Variants in RASGRP3 observed in about 807,000 individuals in gnomAD.
RASGRP3 encodes RAS guanyl releasing protein 3, also known as ras guanyl-releasing protein 3.
A neutral mutation model predicts 82.7 loss-of-function variants in RASGRP3; 54 were observed. That is an observed-to-expected ratio of 0.65 (90% CI 0.52 to 0.82). RASGRP3 has a LOEUF of 0.82. Among genes scored for constraint, RASGRP3 ranks in the 40% least tolerant of loss-of-function variants. RASGRP3 has a pLI of 0.00. For missense variants in RASGRP3, 861 were observed against 828.9 expected, an observed-to-expected ratio of 1.04 and a Z score of -0.48; for synonymous variants, 309 against 300.5, an observed-to-expected ratio of 1.03 and a Z score of -0.29.
Position 33,516,640 on chromosome 2 carries a change from T to G in RASGRP3, c.169T>G (p.Cys57Gly), listed in dbSNP as rs528323494. 18 of 1,531,030 alleles carry G rather than the reference T, an allele frequency of 1.2e-5. No individual in the cohort carries two copies. The East Asian group carries it at 3.9e-4, about 33-fold the overall frequency. The allele number at this position is 1,531,030 out of a possible 1,614,324, so 94.8% of individuals were successfully genotyped here. ...SSTELAEKLL[C>G]MYRNATGESC... ...CACTGAATTGGCAGAAAAACTTCTC[T>G]GCATATATCTTTTCAACTACTGTGT... Residue 57 changes from cysteine (C) to glycine (G), a missense_variant, in exon 4 of 18, where the codon TGC becomes GGC. Physicochemically the swap from Cys to Gly is radical, Grantham distance 159. Coordinates refer to ENST00000403687, the MANE Select transcript of RASGRP3 (RefSeq NM_001139488.2).
chr2:33,515,169 A>G lies in RASGRP3; in HGVS notation c.33A>G (p.Thr11=). 6.2e-7 allele frequency: 1 copy of G among 1,614,002 alleles called. No individual in the cohort carries two copies. Among genetic ancestry groups the G allele is most frequent in the South Asian group, 1.1e-5 (1 of 91,086 alleles). Residue 11 remains threonine (T), a synonymous_variant, in exon 3 of 18, where the codon ACA becomes ACG. Transcript: ENST00000403687. ...CAAGTGGCCTTGGGAAAGCAGCAAC[A>G]TTAGATGAACTGCTGTGCACTTGCA... is the stretch of plus-strand genomic sequence containing the variant. MGSSGLGKAA[T]LDELLCTCIE...
chr2:33,562,267 CT>C lies in RASGRP3; in HGVS notation c.2065-444del, dbSNP rs71409631. Among the ~76,000 whole-genome samples, 155 of 127,030 alleles carry C rather than the reference CT, an allele frequency of 1.2e-3. 2 individuals are homozygous for C. Among genetic ancestry groups the C allele is most frequent in the East Asian group, 0.011 (46 of 4,358 alleles). 83.3% of individuals were successfully genotyped at this position (127,030 alleles called of 152,430 possible). A position where few individuals can be genotyped will look rare whatever the true frequency, so the allele number is the denominator to read the frequency against. Reference sequence around the variant, plus strand: ...TGGGTGAACTACATGATCTCTCTCTCTTTTTTTTTTTTTTTTTTCTGAGACA... The same window carrying C: ...TGGGTGAACTACATGATCTCTCTCTCTTTTTTTTTTTTTTTTTCTGAGACA... On this transcript the variant is annotated intron_variant, in intron 17 of 17. Transcript: ENST00000403687.
chr2:33,500,686 A>G (rs1669784860), intron 1 of RASGRP3, among the ~76,000 whole-genome samples: 2 of 152,234 alleles, frequency 1.3e-5, no homozygotes, highest in South Asian at 4.1e-4. Flanking sequence ...CTGTAATCCC[A>G]GCACTTTGGG....
intron 1 of RASGRP3, among the ~76,000 whole-genome samples, chr2:33,511,169 G>A (rs1313616208): frequency 1.3e-5 from 2 of 152,164 alleles, no homozygotes; most frequent in African/African-American, 4.8e-5. Context: ...TGTATATGCT[G>A]GAGAACAATA....
At chr2:33,486,000 G>A (rs1207129094) in intron 1 of RASGRP3, among the ~76,000 whole-genome samples, 1 of 152,156 alleles carries the variant, frequency 6.6e-6, no homozygotes, top group African/African-American at 2.4e-5. Flanking sequence ...TTAATCGCCA[G>A]TTTTAGAAAT....
chr2:33,517,036 C>G (rs1439297961), intron 4 of RASGRP3, among the ~76,000 whole-genome samples: 1 of 152,238 alleles, frequency 6.6e-6, no homozygotes, highest in African/African-American at 2.4e-5. Flanking sequence ...TATGGAAATA[C>G]AGCCAAAATA....
At chr2:33,496,126 G>A (rs1669285421) in intron 1 of RASGRP3, among the ~76,000 whole-genome samples, 1 of 152,222 alleles carries the variant, frequency 6.6e-6, no homozygotes, top group Non-Finnish European at 1.5e-5. Context: ...TTTATAACCT[G>A]TAGTTGCTGA....
At chr2:33,507,455 G>A (rs1670493435) in intron 1 of RASGRP3, among the ~76,000 whole-genome samples, 1 of 152,140 alleles carries the variant, frequency 6.6e-6, no homozygotes, top group African/African-American at 2.4e-5. Flanking sequence ...TGGGGAAGGT[G>A]GGGATCATAG....
Position 33,558,675 on chromosome 2 carries a change from A to C in RASGRP3, c.1709A>C (p.Gln570Pro), listed in dbSNP as rs750115304. The change falls in exon 17 of 18, where the codon CAG (glutamine) becomes CCG (proline). Residue 570 changes from glutamine (Q) to proline (P), a missense_variant. Gln to Pro is a moderately conservative substitution (Grantham distance 76). Coordinates refer to ENST00000403687, the MANE Select transcript of RASGRP3 (RefSeq NM_001139488.2). ...CACCACCCTTTTTCACTTCCAGCGC[A>C]GGATGAGGTGTTTGAGTTCCCTGGA... is the stretch of plus-strand genomic sequence containing the variant. The part of the protein sequence containing the change: ...LPGSPSLPPA[Q>P]DEVFEFPGVT... 23 of 1,592,448 alleles carry C rather than the reference A, an allele frequency of 1.4e-5. No homozygotes were observed. Among genetic ancestry groups the C allele is most frequent in the Non-Finnish European group, 2.0e-5 (23 of 1,170,408 alleles).
chr2:33,563,376 A>G lies in RASGRP3; in HGVS notation c.*639A>G, dbSNP rs985129141. On this transcript the variant is annotated 3_prime_UTR_variant, in exon 18 of 18. Coordinates refer to ENST00000403687, the MANE Select transcript of RASGRP3 (RefSeq NM_001139488.2). ...ACATCCTTCCCACTACACAGTTGCT[A>G]TGATATGTAACAAGTCACACATGTA... 7 of 152,428 alleles carry G rather than the reference A, an allele frequency of 4.6e-5. No homozygotes were observed. Among genetic ancestry groups the G allele is most frequent in the Non-Finnish European group, 1.0e-4 (7 of 68,246 alleles). The allele number at this position is 152,428 out of a possible 1,614,324, so 9.4% of individuals were successfully genotyped here.
intron 1 of RASGRP3, among the ~76,000 whole-genome samples, chr2:33,510,758 A>G (rs1047990598): frequency 6.6e-6 from 1 of 152,180 alleles, no homozygotes; most frequent in Non-Finnish European, 1.5e-5. Flanking sequence ...AGTACGCAGC[A>G]TTATGGAATT....
At chr2:33,511,497 C>A (rs1229091807) in intron 1 of RASGRP3, among the ~76,000 whole-genome samples, 2 of 152,180 alleles carry the variant, frequency 1.3e-5, no homozygotes, top group East Asian at 1.9e-4. Context: ...TAATAGGCTG[C>A]AAAAAGCTTA....
upstream of RASGRP3, among the ~76,000 whole-genome samples, chr2:33,476,036 C>G (rs1352994403): frequency 6.6e-6 from 1 of 152,198 alleles, no homozygotes; most frequent in Admixed American, 6.5e-5. Context: ...TTAACCCCTC[C>G]CATATTTGCC....
At chr2:33,447,197 C>T (rs1456005240) in intron 1 of RASGRP3, among the ~76,000 whole-genome samples, 1 of 151,704 alleles carries the variant, frequency 6.6e-6, no homozygotes, top group Non-Finnish European at 1.5e-5. Context: ...GTTGAGTGGT[C>T]CCACTGGTTG....
chr2:33,548,698 A>AATTATT (rs374165976), intron 13 of RASGRP3, among the ~76,000 whole-genome samples: 22,027 of 151,452 alleles, frequency 0.15, 2,023 homozygotes, highest in Non-Finnish European at 0.18. Flanking sequence ...AAGTGGATCC[A>AATTATT]ATTATTATTA....
intron 1 of RASGRP3, among the ~76,000 whole-genome samples, chr2:33,479,425 C>T (rs1305693509): frequency 6.6e-6 from 1 of 152,104 alleles, no homozygotes; most frequent in African/African-American, 2.4e-5. Context: ...CACCCATGCC[C>T]CACCCCAAAT....
rs59601670 is a variant in RASGRP3 at position 33,547,342 on chromosome 2, C to CTT, written c.1395-2234_1395-2233dup. 5.0e-3 allele frequency among the ~76,000 whole-genome samples: 339 copies of CTT among 68,186 alleles called. 31 individuals carry two copies. The highest frequency in any genetic ancestry group is 0.012 in the Middle Eastern group (1 of 86). 44.7% of individuals were successfully genotyped at this position (68,186 alleles called of 152,430 possible). A position where few individuals can be genotyped will look rare whatever the true frequency, so the allele number is the denominator to read the frequency against. ...CCCGCAAGCTTGAGAATATAGAATC[C>CTT]TTTTTTTTTTTTTTTTTTTTTTTTT... On this transcript the variant is annotated intron_variant, in intron 13 of 17. Coordinates refer to ENST00000403687, the MANE Select transcript of RASGRP3 (RefSeq NM_001139488.2).
chr2:33,554,473 G>C (rs1366664206), intron 14 of RASGRP3, among the ~76,000 whole-genome samples: 2 of 151,988 alleles, frequency 1.3e-5, no homozygotes, highest in Non-Finnish European at 2.9e-5. Flanking sequence ...GCATGGCAAG[G>C]CCCTCTTCTT....
intron 1 of RASGRP3, among the ~76,000 whole-genome samples, chr2:33,478,307 C>T (rs1270313572): frequency 3.9e-5 from 6 of 152,192 alleles, no homozygotes; most frequent in East Asian, 1.9e-4. Context: ...CTCTGTTCCT[C>T]GGTATGGCAT....
Sources: allele counts gnomAD v4.1 joint callset (sites outside exome capture counted in the v4.1 genomes callset), GRCh38; gene constraint gnomAD v4.1.1; transcripts MANE v1.5; gene names NCBI Gene and HGNC (gene_info 2026-07-23, HGNC 2026-07-21).